Variants in SSPN observed in about 807,000 individuals in gnomAD.
SSPN encodes the protein sarcospan, also known as K-ras oncogene-associated protein.
In SSPN, 15 loss-of-function variants were observed where a neutral mutation model predicts 19.1. The observed-to-expected ratio is 0.78, with a 90% CI of 0.52 to 1.21. SSPN has a LOEUF of 1.21. Among genes scored for constraint, SSPN ranks in the 50% most tolerant of loss-of-function variants. The probability of loss-of-function intolerance (pLI) is 0.00; values close to 1 mark genes in which losing one functional copy is unlikely to be tolerated. For synonymous variants in SSPN, 147 were observed against 140.3 expected (o/e 1.05, Z -0.34); for missense variants, 291 against 314.0 (o/e 0.93, Z 0.55).
At chr12:26,227,683 G>T (rs144798225) in intron 2 of SSPN, among the ~76,000 whole-genome samples, 2 of 152,284 alleles carry the variant, frequency 1.3e-5, no homozygotes, top group East Asian at 3.9e-4. Flanking sequence ...TATACCAGAC[G>T]CTGTTCTAAG....
At chr12:26,177,396 T>C (rs1429967958) in intron 1 of SSPN, among the ~76,000 whole-genome samples, 1 of 152,154 alleles carries the variant, frequency 6.6e-6, no homozygotes, top group Non-Finnish European at 1.5e-5. Flanking sequence ...TTCGTCTGCA[T>C]CCCCAGTGCT....
At chr12:26,226,449 C>A (rs1289408445) in intron 2 of SSPN, among the ~76,000 whole-genome samples, 1 of 152,166 alleles carries the variant, frequency 6.6e-6, no homozygotes, top group Non-Finnish European at 1.5e-5. Flanking sequence ...TTGTAGTCCA[C>A]ACGTGCACAC....
intron 1 of SSPN, among the ~76,000 whole-genome samples, chr12:26,203,285 T>C (rs2137467667): frequency 6.6e-6 from 1 of 152,332 alleles, no homozygotes; most frequent in Admixed American, 6.5e-5. Flanking sequence ...AGGTCTTCCA[T>C]CCTGGCAAAC....
At chr12:26,204,513 C>T (rs201884459) in intron 1 of SSPN, among the ~76,000 whole-genome samples, 1 of 52,178 alleles carries the variant, frequency 1.9e-5, no homozygotes, top group East Asian at 5.8e-4. Flanking sequence ...GATACTTTGG[C>T]TTCTGATGCA....
chr12:26,146,413 T>G (rs1944490975), intron 1 of SSPN, among the ~76,000 whole-genome samples: 1 of 152,218 alleles, frequency 6.6e-6, no homozygotes, highest in African/African-American at 2.4e-5. Context: ...ATTTATGCTG[T>G]TAAATAGTAC....
intron 1 of SSPN, among the ~76,000 whole-genome samples, chr12:26,167,484 C>T (rs1944628298): frequency 6.6e-6 from 1 of 152,172 alleles, no homozygotes. Context: ...ATTTCTGTCT[C>T]CTCCTTTACA....
At chr12:26,122,419 A>G (rs1944317460) in intron 1 of SSPN, 5 of 1,324,328 alleles carry the variant, frequency 3.8e-6, no homozygotes, top group Non-Finnish European at 4.9e-6. Context: ...TTGTCCAGGA[A>G]GGGCTGCACG....
intron 1 of SSPN, among the ~76,000 whole-genome samples, chr12:26,172,482 G>C (rs1409452201): frequency 6.6e-6 from 1 of 152,148 alleles, no homozygotes; most frequent in Non-Finnish European, 1.5e-5. Flanking sequence ...ACAAGTCTCT[G>C]ATGCGAAAGA....
chr12:26,175,452 A>T (rs531902927), intron 1 of SSPN, among the ~76,000 whole-genome samples: 1 of 152,234 alleles, frequency 6.6e-6, no homozygotes, highest in South Asian at 2.1e-4. Flanking sequence ...CTTTATCAAT[A>T]TGTGATTTGT....
intron 1 of SSPN, among the ~76,000 whole-genome samples, chr12:26,175,832 A>G (rs374169571): frequency 2.2e-5 from 2 of 90,384 alleles, no homozygotes; most frequent in East Asian, 3.2e-4. Context: ...TAAAAAATTT[A>G]TTTTGAGTTT....
chr12:26,191,400 TGTTTGAGCACAG>T (rs1217967067), upstream of SSPN, among the ~76,000 whole-genome samples: 1 of 152,114 alleles, frequency 6.6e-6, no homozygotes, highest in African/African-American at 2.4e-5. Flanking sequence ...CTGGGAGGTT[TGTTTGAGCACAG>T]GTTTGAGTCC....
intron 1 of SSPN, among the ~76,000 whole-genome samples, chr12:26,206,063 A>C (rs1232918503): frequency 6.6e-6 from 1 of 152,140 alleles, no homozygotes; most frequent in Non-Finnish European, 1.5e-5. Flanking sequence ...TTCTTCAGTC[A>C]CCAAATCGTG....
intron 1 of SSPN, among the ~76,000 whole-genome samples, chr12:26,207,468 T>C (rs1277876796): frequency 1.3e-5 from 2 of 152,186 alleles, no homozygotes; most frequent in Admixed American, 6.5e-5. Flanking sequence ...CAAATTCCCC[T>C]ACCCCTCCCA....
At chr12:26,202,839 G>C (rs1489457762) in intron 1 of SSPN, among the ~76,000 whole-genome samples, 1 of 152,178 alleles carries the variant, frequency 6.6e-6, no homozygotes, top group Non-Finnish European at 1.5e-5. Flanking sequence ...TGTTACTGTA[G>C]GATAGTGTAT....
At chr12:26,129,933 A>G (rs1288253206) in intron 1 of SSPN, among the ~76,000 whole-genome samples, 1 of 152,176 alleles carries the variant, frequency 6.6e-6, no homozygotes, top group African/African-American at 2.4e-5. Context: ...GGAGTTCTTA[A>G]CATACAAAAG....
At chr12:26,150,340 T>C (rs886397573) in intron 1 of SSPN, among the ~76,000 whole-genome samples, 6 of 152,232 alleles carry the variant, frequency 3.9e-5, no homozygotes, top group African/African-American at 1.4e-4. Context: ...TTCGCTAATG[T>C]GTATGCGATG....
At chr12:26,218,464 T>G (rs1945083712) in intron 1 of SSPN, among the ~76,000 whole-genome samples, 1 of 148,412 alleles carries the variant, frequency 6.7e-6, no homozygotes, top group East Asian at 2.0e-4. Flanking sequence ...AATGTGCACA[T>G]GTACCCTAAA....
intron 1 of SSPN, chr12:26,122,300 AGCGGCGGCG>A (rs1266833600): frequency 2.6e-6 from 3 of 1,164,866 alleles, no homozygotes; most frequent in Non-Finnish European, 3.2e-6. Flanking sequence ...CGGCGGCGGC[AGCGGCGGCG>A]GCGGCTGCCG....
chr12:26,193,439 C>T (rs929451693), upstream of SSPN, among the ~76,000 whole-genome samples: 2 of 152,118 alleles, frequency 1.3e-5, no homozygotes, highest in Non-Finnish European at 2.9e-5. Context: ...ATATGTAAAG[C>T]ACCTGTCATG....
Sources: allele counts gnomAD v4.1 joint callset (sites outside exome capture counted in the v4.1 genomes callset), GRCh38; gene constraint gnomAD v4.1.1; transcripts MANE v1.5; gene names NCBI Gene and HGNC (gene_info 2026-07-23, HGNC 2026-07-21).